Variants in FN1 observed in about 807,000 individuals in gnomAD.
The protein encoded by FN1 is fibronectin 1.
A neutral mutation model predicts 297.3 loss-of-function variants in FN1; 106 were observed. That is an observed-to-expected ratio of 0.36 (90% CI 0.30 to 0.42). FN1 has a LOEUF of 0.42. Among genes scored for constraint, FN1 ranks in the 10% least tolerant of loss-of-function variants. FN1 has a pLI of 1.00. For synonymous variants in FN1, 1,149 were observed against 1,152.6 expected, an observed-to-expected ratio of 1.00 and a Z score of 0.06; for missense variants, 2,690 against 3,124.9, an observed-to-expected ratio of 0.86 and a Z score of 3.32.
At chr2:215,407,440 A>G in intron 17 of FN1, 119 bp from the exon 18 acceptor site, 1 of 843,278 alleles carries the variant, frequency 1.2e-6, no homozygotes. Context: ...GTGAAGAGCC[A>G]GTGATACTTT....
intron 13 of FN1, among the ~76,000 whole-genome samples, chr2:215,411,506 T>C (rs989609259): frequency 6.6e-6 from 1 of 152,130 alleles, no homozygotes; most frequent in Non-Finnish European, 1.5e-5. Flanking sequence ...TTAGTAATCA[T>C]TTTTCAACAT....
chr2:215,373,181 C>T, intron 39 of FN1, 141 bp downstream of exon 39: 1 of 673,746 alleles, frequency 1.5e-6, no homozygotes, highest in Middle Eastern at 3.2e-4. Context: ...TTAAAGAATA[C>T]AATATATACA....
At chr2:215,362,326 T>C (rs1008885616) in intron 44 of FN1, 16 of 505,156 alleles carry the variant, frequency 3.2e-5, no homozygotes, top group African/African-American at 2.9e-4. Context: ...GTCTCTTCTC[T>C]TCCTATTCAA....
At position 215,409,579 on chromosome 2, in the gene FN1, A is replaced by C. The variant is rs776812657; in HGVS notation, c.2283T>G (p.Asp761Glu). 1.9e-5 allele frequency: 30 copies of C among 1,613,420 alleles called. No individual in the cohort carries two copies. The highest frequency in any genetic ancestry group is 2.5e-5 in the Non-Finnish European group (29 of 1,180,020). Residue 761 changes from aspartate (D) to glutamate (E), a missense_variant, in exon 15 of 46, where the codon GAT (aspartate) becomes GAG (glutamate). Around this residue, in one of 3 missense-constraint regions of FN1, gnomAD observed 876 missense variants for 1,058.1 expected, o/e 0.83. Transcript: ENST00000354785. ...RVEYELSEEG[D>E]EPQYLDLPST... is the part of the protein sequence containing the mutation. ...TGAGCTTACCCAGGTACTGTGGCTC[A>C]TCTCCCTCCTCACTCAGCTCATATT...
intron 17 of FN1, among the ~76,000 whole-genome samples, chr2:215,407,655 A>G (rs2061941812): frequency 6.6e-6 from 1 of 152,152 alleles, no homozygotes; most frequent in South Asian, 2.1e-4. Flanking sequence ...GAGGGAAGCA[A>G]TTAATGAACC....
Position 215,367,833 on chromosome 2 carries a change from C to T in FN1, c.7018+30G>A, listed in dbSNP as rs7568287. The T allele has an allele frequency of 0.28, 450,015 of 1,610,366 alleles. 69,860 individuals carry two copies. The highest frequency in any genetic ancestry group is 0.32 in the Non-Finnish European group (379,764 of 1,176,836). ...TGCATGGAACTTGAGGAGACAAACA[C>T]GGAAGTGGATGGACAAAGCAACTAC... On this transcript the variant is annotated intron_variant, in intron 42 of 45. Transcript: ENST00000354785.
At position 215,370,417 on chromosome 2, in the gene FN1, T is replaced by C; in HGVS notation, c.6730A>G (p.Thr2244Ala). Reference protein sequence around the residue: ...EEPLQFRVPGTSTSATLTGLT... With the variant: ...EEPLQFRVPGASTSATLTGLT... ...CCTGTCAGAGTGGCACTGGTAGAAGTTCCAGGAACCCTGAACTGCAATTAT... is the reference window on the plus strand; with the variant it reads ...CCTGTCAGAGTGGCACTGGTAGAAGCTCCAGGAACCCTGAACTGCAATTAT... Residue 2244 changes from threonine to alanine, a missense_variant, in exon 41 of 46, where the codon ACT becomes GCT. Physicochemically the swap from Thr to Ala is moderately conservative, Grantham distance 58. Around this residue, in one of 3 missense-constraint regions of FN1, gnomAD observed 1,743 missense variants for 1,945.2 expected, o/e 0.90. Coordinates refer to ENST00000354785, the MANE Select transcript of FN1 (RefSeq NM_212482.4). 6.2e-7 allele frequency: 1 copy of C among 1,613,896 alleles called. No individual in the cohort carries two copies. Among genetic ancestry groups the C allele is most frequent in the East Asian group, 2.2e-5 (1 of 44,870 alleles).
rs146590263 is a variant in FN1 at position 215,390,338 on chromosome 2, C to T, written c.4252+1294G>A. 4.6e-5 allele frequency among the ~76,000 whole-genome samples: 7 copies of T among 152,244 alleles called. No individual in the cohort carries two copies. In the East Asian group the frequency reaches 1.4e-3, roughly 29 times the overall value. On this transcript the variant is annotated intron_variant, in intron 26 of 45. Transcript: ENST00000354785. ...TAGCTGAGACCACAGGTGTGCACCA[C>T]CATGCCCGGCTAATTTTTGTATTTT...
At chr2:215,412,370 A>G (rs1157798567) in intron 13 of FN1, among the ~76,000 whole-genome samples, 4 of 152,164 alleles carry the variant, frequency 2.6e-5, no homozygotes, top group Middle Eastern at 3.4e-3. Context: ...TTACACCTCT[A>G]TTTGTTTCAT....
In FN1 at chr2:215,410,126, AATT is replaced by A. The variant is rs1432387884; in HGVS notation, c.1942-15_1942-13del. 5 of 1,541,344 alleles carry A rather than the reference AATT, an allele frequency of 3.2e-6. No individual in the cohort carries two copies. Among genetic ancestry groups the A allele is most frequent in the Non-Finnish European group, 4.4e-6 (5 of 1,144,162 alleles). On this transcript the variant is annotated splice_polypyrimidine_tract_variant and intron_variant, in intron 13 of 45. Transcript: ENST00000354785. ...CCTACAGAATTTTTCTGAAAATTTAAATTAACACACACACACACACACACACGT... is the reference window on the plus strand; with the variant it reads ...CCTACAGAATTTTTCTGAAAATTTAAAACACACACACACACACACACACGT...
chr2:215,407,993 A>G, intron 17 of FN1, 115 bp downstream of exon 17: 1 of 787,656 alleles, frequency 1.3e-6, no homozygotes, highest in Non-Finnish European at 2.2e-6. Flanking sequence ...CCCCTCTCCC[A>G]TAAATTATAT....
intron 20 of FN1, among the ~76,000 whole-genome samples, chr2:215,401,259 A>AAAGGAAGGAAGGAAGG (rs1553629757): frequency 1.2e-5 from 1 of 81,748 alleles, no homozygotes; most frequent in Non-Finnish European, 2.4e-5. Context: ...AGGAAGAAAG[A>AAAGGAAGGAAGGAAGG]AAGGAAGGAA....
intron 4 of FN1, among the ~76,000 whole-genome samples, 170 bp downstream of exon 4, chr2:215,431,663 T>C (rs1419641455): frequency 1.3e-5 from 2 of 152,250 alleles, no homozygotes; most frequent in Non-Finnish European, 2.9e-5. Flanking sequence ...ATCTAACTCC[T>C]GTAAGAAGAC....
intron 17 of FN1, among the ~76,000 whole-genome samples, chr2:215,407,829 T>C (rs1203051563): frequency 1.3e-5 from 2 of 152,098 alleles, no homozygotes; most frequent in East Asian, 3.9e-4. Context: ...CTGGGAACAC[T>C]TGCTTTAATA....
intron 7 of FN1, among the ~76,000 whole-genome samples, chr2:215,424,858 C>T (rs1052670628): frequency 6.6e-6 from 1 of 152,132 alleles, no homozygotes; most frequent in Non-Finnish European, 1.5e-5. Context: ...TGTAACAACA[C>T]TTTAGACAGA....
At chr2:215,426,530 C>CA (rs1000963590) in intron 6 of FN1, among the ~76,000 whole-genome samples, 42 of 152,106 alleles carry the variant, frequency 2.8e-4, no homozygotes, top group African/African-American at 9.7e-4. Context: ...GAGGCTAGAC[C>CA]AAAGGTACAC....
intron 8 of FN1, 130 bp downstream of exon 8, chr2:215,424,014 CTT>C (rs1044443775): frequency 1.1e-4 from 101 of 917,970 alleles, no homozygotes; most frequent in Admixed American, 1.7e-4. Context: ...GCTGCGATCT[CTT>C]GAGTCCAAAC....
chr2:215,362,699 G>A (rs189334670), intron 44 of FN1: 4 of 154,954 alleles, frequency 2.6e-5, no homozygotes, highest in East Asian at 3.8e-4. Flanking sequence ...AGATGGAAAC[G>A]GGACCAAGCT....
intron 12 of FN1, among the ~76,000 whole-genome samples, chr2:215,415,317 A>G (rs1473086724): frequency 1.3e-5 from 2 of 152,204 alleles, no homozygotes; most frequent in Non-Finnish European, 2.9e-5. Flanking sequence ...CAGAACACAG[A>G]CTTCATTTAC....
Sources: gnomAD v4.1 joint callset for allele counts (sites outside exome capture counted in the v4.1 genomes callset) on GRCh38, gnomAD v4.1.1 for gene constraint, gnomAD v4.1.1 regional missense constraint, MANE v1.5 for transcripts, NCBI Gene and HGNC (gene_info 2026-07-23, HGNC 2026-07-21) for gene names.